CDH18: variants seen among roughly 807,000 people sequenced by gnomAD.
CDH18 encodes cadherin-18.
CDH18 carries 31 observed loss-of-function variants against 67.9 expected under a neutral mutation model. The ratio of observed to expected loss-of-function variants is 0.46; its 90% confidence interval spans 0.34 to 0.62. CDH18 has a LOEUF of 0.62. Ranked by LOEUF, CDH18 falls within the 20% of genes least tolerant of loss-of-function variation. CDH18 has a pLI of 0.01. For synonymous variants in CDH18, 362 were observed against 347.2 expected (o/e 1.04, Z -0.48); for missense variants, 890 against 975.5 (o/e 0.91, Z 1.17).
At chr5:20,216,952 C>T (rs1045395656) in intron 2 of CDH18, among the ~76,000 whole-genome samples, 1 of 151,740 alleles carries the variant, frequency 6.6e-6, no homozygotes, top group African/African-American at 2.4e-5. Flanking sequence ...TCATTGGAAA[C>T]CTTATTAGCC....
intron 5 of CDH18, among the ~76,000 whole-genome samples, chr5:19,706,323 G>A (rs1763955014): frequency 6.6e-6 from 1 of 152,190 alleles, no homozygotes; most frequent in African/African-American, 2.4e-5. Flanking sequence ...AGTTGCTACT[G>A]CAATATCTAA....
intron 1 of CDH18, among the ~76,000 whole-genome samples, chr5:19,987,162 A>G (rs1799647581): frequency 6.6e-6 from 1 of 152,170 alleles, no homozygotes; most frequent in Admixed American, 6.5e-5. Context: ...AGACATTGAA[A>G]TAAAAATATT....
chr5:20,088,019 A>G (rs6451640), intron 2 of CDH18, among the ~76,000 whole-genome samples: 3,527 of 152,330 alleles, frequency 0.023, 61 homozygotes, highest in African/African-American at 0.042. Flanking sequence ...AAAGAAACGT[A>G]TCACTAGATT....
chr5:20,037,203 A>G (rs1739953307), intron 2 of CDH18, among the ~76,000 whole-genome samples: 1 of 152,010 alleles, frequency 6.6e-6, no homozygotes, highest in Non-Finnish European at 1.5e-5. Flanking sequence ...CAGTTTCTTC[A>G]TACTGTCGAT....
intron 2 of CDH18, among the ~76,000 whole-genome samples, chr5:20,000,080 G>A (rs182322663): frequency 1.3e-5 from 2 of 151,302 alleles, no homozygotes; most frequent in Admixed American, 1.3e-4. Flanking sequence ...TATGGTGAGG[G>A]GGTGGGAGGC....
intron 5 of CDH18, among the ~76,000 whole-genome samples, chr5:19,618,609 A>T (rs968902041): frequency 2.0e-5 from 3 of 152,182 alleles, no homozygotes; most frequent in African/African-American, 7.2e-5. Context: ...CTCCAATGGG[A>T]CATGTGGACC....
intron 1 of CDH18, among the ~76,000 whole-genome samples, chr5:20,337,991 C>T (rs996664670): frequency 1.3e-5 from 2 of 152,176 alleles, no homozygotes; most frequent in Non-Finnish European, 2.9e-5. Context: ...AGTGCTTGTG[C>T]AGGGAAACTT....
intron 1 of CDH18, chr5:20,304,419 G>A: frequency 1.4e-6 from 2 of 1,442,970 alleles, no homozygotes; most frequent in Non-Finnish European, 2.0e-6. Flanking sequence ...ACTACTTTGG[G>A]TAGCTCATGA....
chr5:19,934,042 A>G, intron 2 of CDH18, among the ~76,000 whole-genome samples: 1 of 151,390 alleles, frequency 6.6e-6, no homozygotes, highest in East Asian at 1.9e-4. Context: ...CGGTAGTTCC[A>G]AAAGATATAA....
chr5:20,548,468 TAC>T (rs1437909109), intron 1 of CDH18, among the ~76,000 whole-genome samples: 11 of 151,260 alleles, frequency 7.3e-5, no homozygotes, highest in African/African-American at 2.4e-4. Context: ...TGTGTGTGTA[TAC>T]ACACACACAA....
intron 1 of CDH18, among the ~76,000 whole-genome samples, chr5:19,985,438 C>A (rs1799460094): frequency 6.6e-6 from 1 of 151,974 alleles, no homozygotes; most frequent in African/African-American, 2.4e-5. Flanking sequence ...CAGTGGTTCT[C>A]AATGTAATTT....
At chr5:19,606,518 T>C (rs766436905) in intron 6 of CDH18, among the ~76,000 whole-genome samples, 25 of 152,020 alleles carry the variant, frequency 1.6e-4, no homozygotes, top group Non-Finnish European at 1.6e-4. Context: ...AAAATGTCAA[T>C]GCTGAAGTGT....
chr5:20,421,684 A>G (rs532725254), intron 1 of CDH18, among the ~76,000 whole-genome samples: 7 of 151,224 alleles, frequency 4.6e-5, no homozygotes, highest in African/African-American at 1.7e-4. Flanking sequence ...TTCACAGGTA[A>G]GTATCTTTAT....
rs1445905997 is a variant in CDH18 at position 19,544,334 on chromosome 5, A to G, written c.1254-329T>C. On this transcript the variant is annotated intron_variant, in intron 8 of 12. Transcript: ENST00000382275. The stretch of plus-strand genomic sequence containing the variant: ...TGGAAGCCTATAATATGTTTAATGA[A>G]AAAAAATATTAAACCTATAATAAGA... 5.9e-5 allele frequency among the ~76,000 whole-genome samples: 9 copies of G among 152,154 alleles called. No homozygotes were observed. The South Asian group carries it at 1.9e-3, about 32-fold the overall frequency.
At chr5:19,725,777 A>C (rs903861998) in intron 4 of CDH18, among the ~76,000 whole-genome samples, 3 of 152,182 alleles carry the variant, frequency 2.0e-5, no homozygotes, top group Non-Finnish European at 2.9e-5. Flanking sequence ...CTCAACAACA[A>C]CAACAACAAA....
chr5:20,037,961 A>T (rs1163792167), intron 2 of CDH18, among the ~76,000 whole-genome samples: 1 of 152,136 alleles, frequency 6.6e-6, no homozygotes, highest in Non-Finnish European at 1.5e-5. Context: ...AGCCAAACTA[A>T]TAAAGAAGAA....
intron 3 of CDH18, among the ~76,000 whole-genome samples, chr5:19,776,490 G>T (rs540701705): frequency 6.6e-6 from 1 of 152,184 alleles, no homozygotes; most frequent in South Asian, 2.1e-4. Flanking sequence ...AAAGAAAGAG[G>T]GATGAATGTA....
intron 1 of CDH18, among the ~76,000 whole-genome samples, chr5:20,289,385 G>A (rs1453485371): frequency 6.6e-6 from 1 of 151,992 alleles, no homozygotes; most frequent in African/African-American, 2.4e-5. Context: ...AGCTATAAAA[G>A]CTTTATTCCT....
At chr5:20,266,239 G>A (rs997795506) in intron 1 of CDH18, among the ~76,000 whole-genome samples, 4 of 140,210 alleles carry the variant, frequency 2.9e-5, no homozygotes, top group South Asian at 2.4e-4. Flanking sequence ...TAGCTTATTG[G>A]TTCTATTTCT....
Sources: gnomAD v4.1 joint callset for allele counts (sites outside exome capture counted in the v4.1 genomes callset) on GRCh38, gnomAD v4.1.1 for gene constraint, MANE v1.5 for transcripts, NCBI Gene and HGNC (gene_info 2026-07-23, HGNC 2026-07-21) for gene names.